The following NT5DC1 variants were observed in gnomAD, a reference collection of about 807,000 sequenced individuals.
NT5DC1 encodes 5'-nucleotidase domain containing 1, also known as 5'-nucleotidase domain-containing protein 1.
Under a neutral mutation model 59.4 loss-of-function variants are expected in NT5DC1, and 42 were observed. The ratio of observed to expected loss-of-function variants is 0.71; its 90% confidence interval spans 0.55 to 0.92. NT5DC1 has a LOEUF of 0.92. Among genes scored for constraint, NT5DC1 ranks in the 40% least tolerant of loss-of-function variants. The pLI is 0.00. For missense variants in NT5DC1, 501 were observed against 537.1 expected (o/e 0.93, Z 0.66); for synonymous variants, 172 against 188.1 (o/e 0.91, Z 0.70).
intron 8 of NT5DC1, among the ~76,000 whole-genome samples, chr6:116,232,348 A>G (rs6907249): frequency 0.04 from 6,097 of 152,284 alleles, 185 homozygotes; most frequent in African/African-American, 0.08. Context: ...TGCTTTAAAT[A>G]TATTCCATTT....
chr6:116,136,174 T>A (rs1267057553), intron 6 of NT5DC1, among the ~76,000 whole-genome samples: 1 of 152,064 alleles, frequency 6.6e-6, no homozygotes, highest in Non-Finnish European at 1.5e-5. Context: ...CACGTATGAG[T>A]GAGATCATGC....
At chr6:116,224,743 A>T (rs1781875469) in intron 8 of NT5DC1, among the ~76,000 whole-genome samples, 1 of 152,266 alleles carries the variant, frequency 6.6e-6, no homozygotes. Flanking sequence ...AGGCACCCGC[A>T]TAAGCGGTGG....
At chr6:116,204,294 G>A (rs770738833) in intron 6 of NT5DC1, among the ~76,000 whole-genome samples, 12 of 151,870 alleles carry the variant, frequency 7.9e-5, no homozygotes, top group Non-Finnish European at 1.5e-4. Context: ...TTGCTTTTTG[G>A]TAATTACTTC....
intron 10 of NT5DC1, 132 bp downstream of exon 10, chr6:116,238,480 AAAAAG>A (rs1296108546): frequency 1.4e-4 from 65 of 452,762 alleles, no homozygotes; most frequent in African/African-American, 1.3e-3. Flanking sequence ...AAAAAAAAAA[AAAAAG>A]AGACTAATAA....
intron 6 of NT5DC1, chr6:116,120,927 C>T (rs746303086): frequency 3.7e-6 from 6 of 1,613,804 alleles, no homozygotes; most frequent in Middle Eastern, 1.6e-4. Context: ...TTAGGACCAT[C>T]GAGACCTGGT....
chr6:116,154,165 G>C (rs542054774), intron 6 of NT5DC1, among the ~76,000 whole-genome samples: 3 of 151,740 alleles, frequency 2.0e-5, no homozygotes, highest in African/African-American at 7.2e-5. Context: ...AGCAATAAGA[G>C]TCTATTGATT....
chr6:116,220,389 C>T (rs1299085997), intron 6 of NT5DC1, among the ~76,000 whole-genome samples: 2 of 152,126 alleles, frequency 1.3e-5, no homozygotes, highest in African/African-American at 4.8e-5. Flanking sequence ...CTCAGCCAGA[C>T]CCCGTGGCCA....
chr6:116,208,236 T>C (rs1781498691), intron 6 of NT5DC1, among the ~76,000 whole-genome samples: 1 of 152,038 alleles, frequency 6.6e-6, no homozygotes, highest in Non-Finnish European at 1.5e-5. Context: ...TGAGTCTGCT[T>C]TGCCCGGAGG....
In NT5DC1 at chr6:116,100,888, A is replaced by AC; in HGVS notation, c.-40dup. 2 of 1,488,810 alleles carry AC rather than the reference A, an allele frequency of 1.3e-6. No individual in the cohort carries two copies. The highest frequency in any genetic ancestry group is 2.4e-5 in the South Asian group (2 of 85,022). The allele number at this position is 1,488,810 out of a possible 1,614,324, so 92.2% of individuals were successfully genotyped here. The stretch of plus-strand genomic sequence containing the variant: ...AGCGTCCCGCCAGCCAGCTCCTTGC[A>AC]CCCTTCGCGGCCGAGGCGCTCCCTG... On this transcript the variant is annotated 5_prime_UTR_variant, in exon 1 of 12. Transcript: ENST00000319550.
intron 6 of NT5DC1, among the ~76,000 whole-genome samples, chr6:116,210,767 G>C (rs1269776579): frequency 6.6e-6 from 1 of 151,858 alleles, no homozygotes; most frequent in Non-Finnish European, 1.5e-5. Context: ...AATGCCATAG[G>C]AAATTCCTCA....
chr6:116,175,766 A>G (rs1230696594), intron 6 of NT5DC1, among the ~76,000 whole-genome samples: 1 of 152,132 alleles, frequency 6.6e-6, no homozygotes, highest in African/African-American at 2.4e-5. Flanking sequence ...TAATATTTCC[A>G]TAGTTTTAAT....
intron 6 of NT5DC1, chr6:116,119,411 A>G (rs181826656): frequency 6.6e-6 from 1 of 152,662 alleles, no homozygotes; most frequent in East Asian, 1.9e-4. Context: ...GAAAAGGTTC[A>G]TTGATGAAAG....
intron 6 of NT5DC1, among the ~76,000 whole-genome samples, chr6:116,132,578 C>T (rs960253636): frequency 6.6e-6 from 1 of 152,012 alleles, no homozygotes; most frequent in Non-Finnish European, 1.5e-5. Context: ...AGTTCATCCA[C>T]ATCAATCATT....
At chr6:116,177,716 C>A (rs1223434734) in intron 6 of NT5DC1, among the ~76,000 whole-genome samples, 1 of 151,956 alleles carries the variant, frequency 6.6e-6, no homozygotes, top group South Asian at 2.1e-4. Context: ...AAGTTTATTA[C>A]TAAATAATCT....
rs1323967072 is a variant in NT5DC1, at chr6:116,244,141, A to G, written c.*117A>G. On this transcript the variant is annotated 3_prime_UTR_variant, in exon 12 of 12. Coordinates refer to ENST00000319550, the MANE Select transcript of NT5DC1 (RefSeq NM_152729.3). Reference sequence around the variant, plus strand: ...AAGTTTTATTGACCAATAAGTTGATATTTGTCCATAGGTCTCCTTTCTATA... The same window carrying G: ...AAGTTTTATTGACCAATAAGTTGATGTTTGTCCATAGGTCTCCTTTCTATA... 4.1e-6 allele frequency: 2 copies of G among 487,282 alleles called. No homozygotes were observed. Among genetic ancestry groups the G allele is most frequent in the African/African-American group, 4.0e-5 (2 of 50,366 alleles). 30.2% of individuals were successfully genotyped at this position (487,282 alleles called of 1,614,324 possible).
At chr6:116,124,887 G>A (rs117024361) in intron 6 of NT5DC1, among the ~76,000 whole-genome samples, 5 of 152,042 alleles carry the variant, frequency 3.3e-5, no homozygotes, top group Non-Finnish European at 4.4e-5. Flanking sequence ...GATAAGACTC[G>A]GTTTTATATC....
intron 4 of NT5DC1, among the ~76,000 whole-genome samples, chr6:116,115,244 A>G (rs1778943278): frequency 6.6e-6 from 1 of 152,222 alleles, no homozygotes; most frequent in Non-Finnish European, 1.5e-5. Context: ...ATTAAATGGC[A>G]TAAAAATAGA....
chr6:116,155,629 G>A lies in NT5DC1; in HGVS notation c.529+37684G>A, dbSNP rs140695408. 1.1e-3 allele frequency among the ~76,000 whole-genome samples: 162 copies of A among 152,034 alleles called. 1 individual carries two copies. Among genetic ancestry groups the A allele is most frequent in the African/African-American group, 3.7e-3 (154 of 41,494 alleles). Reference sequence around the variant, plus strand: ...GGTCAATGAAATTACATATGAGTGAGGTTACTCCATTACAACATAGGTTGT... The same window carrying A: ...GGTCAATGAAATTACATATGAGTGAAGTTACTCCATTACAACATAGGTTGT... On this transcript the variant is annotated intron_variant, in intron 6 of 11. Coordinates refer to ENST00000319550, the MANE Select transcript of NT5DC1 (RefSeq NM_152729.3).
At chr6:116,230,629 T>C (rs1314300592) in intron 8 of NT5DC1, among the ~76,000 whole-genome samples, 3 of 152,222 alleles carry the variant, frequency 2.0e-5, no homozygotes, top group Non-Finnish European at 4.4e-5. Flanking sequence ...TAGATATATG[T>C]AGAATGCCTT....
Sources: gnomAD v4.1 joint callset for allele counts (sites outside exome capture counted in the v4.1 genomes callset) on GRCh38, gnomAD v4.1.1 for gene constraint, MANE v1.5 for transcripts, NCBI Gene and HGNC (gene_info 2026-07-23, HGNC 2026-07-21) for gene names.